The following SPMAP2L variants were observed in gnomAD, a reference collection of about 807,000 sequenced individuals.
SPMAP2L encodes sperm microtubule associated protein 2 like, also known as sperm microtubule associated protein 2-like.
At chr4:56,573,027 A>C in the SPMAP2L span, among the ~76,000 whole-genome samples, 2 of 152,018 alleles carry the variant, frequency 1.3e-5, no homozygotes, top group Non-Finnish European at 2.9e-5. Context: ...AAAAAAAAAA[A>C]AAAAAAATTT....
the SPMAP2L span, among the ~76,000 whole-genome samples, chr4:56,577,515 G>A: frequency 2.0e-5 from 3 of 152,016 alleles, no homozygotes; most frequent in Non-Finnish European, 4.4e-5. Context: ...TAAAAAGGGA[G>A]GTGGAGGTTG....
the SPMAP2L span, among the ~76,000 whole-genome samples, chr4:56,588,690 C>A: frequency 2.6e-5 from 4 of 152,184 alleles, no homozygotes; most frequent in African/African-American, 9.7e-5. Context: ...CTCAGCATCC[C>A]AAAGTGCTGG....
the SPMAP2L span, among the ~76,000 whole-genome samples, chr4:56,562,455 A>C: frequency 6.6e-6 from 1 of 151,930 alleles, no homozygotes; most frequent in Admixed American, 6.6e-5. Flanking sequence ...TGTGTTCCCC[A>C]GACTTGAGCC....
the SPMAP2L span, among the ~76,000 whole-genome samples, chr4:56,615,369 A>G: frequency 6.6e-6 from 1 of 152,200 alleles, no homozygotes; most frequent in East Asian, 1.9e-4. Flanking sequence ...TCTCTTCTGT[A>G]GGTTTCTACG....
At chr4:56,618,571 T>A in the SPMAP2L span, among the ~76,000 whole-genome samples, 20 of 151,986 alleles carry the variant, frequency 1.3e-4, no homozygotes, top group Admixed American at 1.3e-3. Context: ...GAAAAGCCCC[T>A]CATATAACCA....
the SPMAP2L span, among the ~76,000 whole-genome samples, chr4:56,617,192 G>A: frequency 6.6e-6 from 1 of 151,800 alleles, no homozygotes; most frequent in African/African-American, 2.4e-5. Flanking sequence ...ACAAACCTGT[G>A]TAGTTACTGT....
At chr4:56,608,184 C>A in the SPMAP2L span, among the ~76,000 whole-genome samples, 1 of 152,066 alleles carries the variant, frequency 6.6e-6, no homozygotes, top group Non-Finnish European at 1.5e-5. Flanking sequence ...AGTCTCTAAG[C>A]AAAGTGTTGA....
chr4:56,594,929 A>C, the SPMAP2L span: 1 of 1,612,098 alleles, frequency 6.2e-7, no homozygotes, highest in South Asian at 1.1e-5. Flanking sequence ...GACCTTCTGC[A>C]TTCCCCACAG....
the SPMAP2L span, among the ~76,000 whole-genome samples, chr4:56,596,911 T>C: frequency 6.6e-6 from 1 of 152,338 alleles, no homozygotes; most frequent in South Asian, 2.1e-4. Flanking sequence ...GCTTTATTCA[T>C]TCAACAAATA....
chr4:56,553,677 T>TTGTTAAAATTGATGAGCCA, the SPMAP2L span, among the ~76,000 whole-genome samples: 1,720 of 152,234 alleles, frequency 0.011, 18 homozygotes, highest in Non-Finnish European at 0.018. Context: ...AATATTGATA[T>TTGTTAAAATTGATGAGCCA]ATTTTTACTG....
At chr4:56,559,314 A>T in the SPMAP2L span, 1 of 1,130,420 alleles carries the variant, frequency 8.8e-7, no homozygotes, top group African/African-American at 1.7e-5. Context: ...AAAAAAAAAA[A>T]AAAAAAAAGA....
chr4:56,590,279 T>A, the SPMAP2L span, among the ~76,000 whole-genome samples: 2 of 152,234 alleles, frequency 1.3e-5, no homozygotes, highest in African/African-American at 2.4e-5. Context: ...TTTTTGTTTT[T>A]AATTCTGTTT....
chr4:56,548,537 G>A, the SPMAP2L span, among the ~76,000 whole-genome samples: 2 of 151,946 alleles, frequency 1.3e-5, no homozygotes, highest in Non-Finnish European at 2.9e-5. Context: ...TCTTTTGCCA[G>A]CTTTAACTCT....
the SPMAP2L span, among the ~76,000 whole-genome samples, chr4:56,591,406 T>C: frequency 1.3e-5 from 2 of 152,186 alleles, no homozygotes; most frequent in East Asian, 1.9e-4. Flanking sequence ...TTTATAGCAA[T>C]GCAAGGATAG....
At chr4:56,547,997 G>T in the SPMAP2L span, among the ~76,000 whole-genome samples, 1 of 151,610 alleles carries the variant, frequency 6.6e-6, no homozygotes, top group Admixed American at 6.6e-5. Context: ...ATTTCTTTAG[G>T]GTCCATTTCT....
chr4:56,561,236 T>A, the SPMAP2L span, among the ~76,000 whole-genome samples: 1 of 152,240 alleles, frequency 6.6e-6, no homozygotes, highest in East Asian at 1.9e-4. Context: ...ACATGATTAA[T>A]CTTCTTTCTA....
chr4:56,608,439 G>A, the SPMAP2L span, among the ~76,000 whole-genome samples: 1 of 152,158 alleles, frequency 6.6e-6, no homozygotes, highest in South Asian at 2.1e-4. Context: ...CAAGACAATG[G>A]AAGAATGACC....
At chr4:56,617,953 C>A in the SPMAP2L span, among the ~76,000 whole-genome samples, 1 of 152,168 alleles carries the variant, frequency 6.6e-6, no homozygotes, top group Admixed American at 6.5e-5. Context: ...TGCTCTTCCA[C>A]CAGTGTGCTC....
the SPMAP2L span, among the ~76,000 whole-genome samples, chr4:56,544,699 G>C: frequency 6.6e-6 from 1 of 152,100 alleles, no homozygotes; most frequent in Admixed American, 6.5e-5. Context: ...TCCAGCCGCT[G>C]CCAACCTGCG....
Sources: allele counts gnomAD v4.1 joint callset (sites outside exome capture counted in the v4.1 genomes callset), GRCh38; gene constraint gnomAD v4.1.1; transcripts MANE v1.5; gene names NCBI Gene and HGNC (gene_info 2026-07-23, HGNC 2026-07-21).